The following CDK8 variants were observed in gnomAD, a reference collection of about 807,000 sequenced individuals.
CDK8 encodes the protein cyclin dependent kinase 8.
CDK8 carries 29 observed loss-of-function variants against 71.5 expected under a neutral mutation model. That is an observed-to-expected ratio of 0.41 (90% CI 0.30 to 0.55). The LOEUF is 0.55. CDK8 is among the 20% of genes least tolerant of loss of function. The pLI is 0.37. For synonymous variants in CDK8, 161 were observed against 192.1 expected (o/e 0.84, Z 1.34); for missense variants, 288 against 572.6 (o/e 0.50, Z 5.07).
intron 2 of CDK8, among the ~76,000 whole-genome samples, chr13:26,344,417 G>T (rs902863391): frequency 1.3e-5 from 2 of 152,236 alleles, no homozygotes; most frequent in East Asian, 3.9e-4. Flanking sequence ...CACAGGGTCA[G>T]GATCATGAAT....
chr13:26,369,013 T>C (rs950038480), intron 4 of CDK8, among the ~76,000 whole-genome samples: 1 of 152,208 alleles, frequency 6.6e-6, no homozygotes, highest in Non-Finnish European at 1.5e-5. Context: ...GTAAGTTTGG[T>C]CAGTAATCTT....
chr13:26,334,177 CAGAGAAG>C (rs1425031522), intron 1 of CDK8, among the ~76,000 whole-genome samples: 2 of 152,020 alleles, frequency 1.3e-5, no homozygotes, highest in Non-Finnish European at 2.9e-5. Context: ...TTTTAGTTCA[CAGAGAAG>C]AAATTGTCAT....
At chr13:26,373,562 AT>A (rs952008035) in intron 4 of CDK8, among the ~76,000 whole-genome samples, 2 of 152,186 alleles carry the variant, frequency 1.3e-5, no homozygotes, top group African/African-American at 4.8e-5. Context: ...AAATTATAAA[AT>A]ATTTACATGT....
intron 3 of CDK8, among the ~76,000 whole-genome samples, chr13:26,350,908 G>A (rs992551327): frequency 1.8e-4 from 27 of 152,056 alleles, no homozygotes; most frequent in African/African-American, 6.0e-4. Context: ...GAACTCTAAG[G>A]TAACTATAAA....
chr13:26,384,067 A>G (rs1313285857), intron 5 of CDK8, among the ~76,000 whole-genome samples: 1 of 152,210 alleles, frequency 6.6e-6, no homozygotes, highest in African/African-American at 2.4e-5. Flanking sequence ...TTTAGGGAAA[A>G]TTTATGTAAT....
At chr13:26,395,062 ATAGTT>A (rs1457317297) in intron 7 of CDK8, among the ~76,000 whole-genome samples, 2 of 152,220 alleles carry the variant, frequency 1.3e-5, no homozygotes, top group Non-Finnish European at 2.9e-5. Flanking sequence ...AGCAAGGAAA[ATAGTT>A]AAGGAGAAAA....
intron 1 of CDK8, among the ~76,000 whole-genome samples, chr13:26,295,357 A>G (rs1195930743): frequency 1.3e-5 from 2 of 152,106 alleles, no homozygotes; most frequent in Admixed American, 6.5e-5. Flanking sequence ...TTTATTTCCT[A>G]TTATAATAAG....
chr13:26,392,950 T>G (rs542922403), intron 6 of CDK8, among the ~76,000 whole-genome samples: 1 of 152,320 alleles, frequency 6.6e-6, no homozygotes, highest in African/African-American at 2.4e-5. Flanking sequence ...TCAAATACTG[T>G]TTGGGTTTTC....
chr13:26,368,318 C>G (rs1005856252), intron 4 of CDK8, among the ~76,000 whole-genome samples: 2 of 152,188 alleles, frequency 1.3e-5, no homozygotes, highest in South Asian at 2.1e-4. Context: ...TAACTACAAA[C>G]AAAATGATCT....
At chr13:26,394,506 A>T (rs1009503926) in intron 7 of CDK8, among the ~76,000 whole-genome samples, 1 of 152,194 alleles carries the variant, frequency 6.6e-6, no homozygotes, top group Non-Finnish European at 1.5e-5. Flanking sequence ...AACAGACATG[A>T]TTTTTGCCCC....
intron 9 of CDK8, 51 bp downstream of exon 9, chr13:26,397,276 T>C: frequency 8.5e-7 from 1 of 1,177,882 alleles, no homozygotes; most frequent in Non-Finnish European, 1.3e-6. Flanking sequence ...CTTAATTGAC[T>C]AGCCCAACTG....
chr13:26,263,690 C>T (rs1186497755), intron 1 of CDK8, among the ~76,000 whole-genome samples: 6 of 151,240 alleles, frequency 4.0e-5, no homozygotes, highest in African/African-American at 1.2e-4. Context: ...CCGCCTGCCT[C>T]GGCCTCCCAA....
intron 1 of CDK8, among the ~76,000 whole-genome samples, chr13:26,299,060 G>T (rs1873694711): frequency 6.6e-6 from 1 of 152,156 alleles, no homozygotes; most frequent in Non-Finnish European, 1.5e-5. Context: ...TACCATAAAG[G>T]CTAAGATCTT....
intron 1 of CDK8, among the ~76,000 whole-genome samples, chr13:26,256,910 T>C (rs1374567448): frequency 2.0e-5 from 3 of 152,180 alleles, no homozygotes; most frequent in Non-Finnish European, 4.4e-5. Flanking sequence ...GAGATAGTTT[T>C]AGAGAGTTTT....
At chr13:26,308,097 A>G (rs1305125325) in intron 1 of CDK8, among the ~76,000 whole-genome samples, 1 of 152,248 alleles carries the variant, frequency 6.6e-6, no homozygotes, top group Non-Finnish European at 1.5e-5. Context: ...CAGTTGGTAC[A>G]TTCGTAAACA....
intron 1 of CDK8, among the ~76,000 whole-genome samples, chr13:26,262,810 T>C (rs954984302): frequency 2.0e-5 from 3 of 152,258 alleles, no homozygotes; most frequent in Non-Finnish European, 4.4e-5. Context: ...GATCGTTTTA[T>C]TTGAAATTTA....
In CDK8 at chr13:26,263,652, C is replaced by T. The variant is rs550208094; in HGVS notation, c.128+8883C>T. Among the ~76,000 whole-genome samples, 69 of 149,636 alleles carry T rather than the reference C, an allele frequency of 4.6e-4. 1 individual carries two copies. Among genetic ancestry groups the T allele is most frequent in the Admixed American group, 7.4e-4 (11 of 14,898 alleles). On this transcript the variant is annotated intron_variant, in intron 1 of 12. Transcript: ENST00000381527. ...ATGGGGTTTCACCATGTTGGTCAGG[C>T]TGGCCACAAACTTCTGACCTTAGGG...
intron 1 of CDK8, among the ~76,000 whole-genome samples, chr13:26,326,267 A>G (rs954123301): frequency 1.3e-5 from 2 of 152,208 alleles, no homozygotes; most frequent in African/African-American, 4.8e-5. Flanking sequence ...AATCTCAACC[A>G]TTGGTTTGAT....
chr13:26,319,375 A>T (rs1874657378), intron 1 of CDK8, among the ~76,000 whole-genome samples: 1 of 152,066 alleles, frequency 6.6e-6, no homozygotes, highest in African/African-American at 2.4e-5. Context: ...AGGCTGAGGC[A>T]GGAGAATTGC....
Sources: gnomAD v4.1 joint callset for allele counts (sites outside exome capture counted in the v4.1 genomes callset) on GRCh38, gnomAD v4.1.1 for gene constraint, MANE v1.5 for transcripts, NCBI Gene and HGNC (gene_info 2026-07-23, HGNC 2026-07-21) for gene names.